The following ZNF397 variants were observed in gnomAD, a reference collection of about 807,000 sequenced individuals.
ZNF397 encodes the protein zinc finger and SCAN domain-containing protein 15.
In ZNF397, 38 loss-of-function variants were observed where a neutral mutation model predicts 50.6. The ratio of observed to expected loss-of-function variants is 0.75; its 90% CI spans 0.58 to 0.98. The LOEUF (loss-of-function observed/expected upper bound fraction) is 0.98. Ranked by LOEUF, ZNF397 falls within the 50% of genes least tolerant of loss-of-function variation. The pLI is 0.00. For missense variants in ZNF397, 624 were observed against 624.1 expected, an observed-to-expected ratio of 1.00 and a Z score of 0.00; for synonymous variants, 228 against 215.2, an observed-to-expected ratio of 1.06 and a Z score of -0.52.
At chr18:35,253,389 G>A, downstream of ZNF397, 1 of 1,420,294 alleles carries the variant, frequency 7.0e-7, no homozygotes, top group South Asian at 1.5e-5. Flanking sequence ...CTTTTCTGTG[G>A]AGTCTCACCC....
chr18:35,254,154 T>C (rs1278500956), downstream of ZNF397: 7 of 1,614,190 alleles, frequency 4.3e-6, no homozygotes, highest in East Asian at 6.7e-5. Context: ...CTGTTGAAGG[T>C]TGCCAGACTG....
downstream of ZNF397, chr18:35,253,992 T>C: frequency 6.2e-7 from 1 of 1,614,108 alleles, no homozygotes; most frequent in East Asian, 2.2e-5. Flanking sequence ...CTAATCAGCT[T>C]TGAGCTCTGG....
chr18:35,253,887 T>C (rs1460604679), downstream of ZNF397: 1 of 1,614,182 alleles, frequency 6.2e-7, no homozygotes, highest in Non-Finnish European at 8.5e-7. Flanking sequence ...CCACTATGAA[T>C]TCTCTGATGT....
chr18:35,245,520 C>G lies in ZNF397; in HGVS notation c.815C>G (p.Ser272Cys). The G allele has an allele frequency of 6.4e-7, 1 of 1,552,396 alleles. No homozygotes were observed. Among genetic ancestry groups the G allele is most frequent in the Non-Finnish European group, 8.7e-7 (1 of 1,147,158 alleles). ...AERCLILTTD[S>C]IMCQKVPPEE... ...AGATGCTTGATTCTAACTACAGACT[C>G]TATAATGTGTCAGAAAGTTCCTCCA... The change falls in exon 4 of 4, where the codon TCT (serine) becomes TGT (cysteine). Residue 272 changes from serine (S) to cysteine (C), a missense_variant. Physicochemically the swap from Ser to Cys is moderately radical, Grantham distance 112 (BLOSUM62 -1). Coordinates refer to ENST00000330501, the MANE Select transcript of ZNF397 (RefSeq NM_001135178.3).
chr18:35,244,969 T>C (rs1419658607), intron 3 of ZNF397, among the ~76,000 whole-genome samples: 2 of 152,128 alleles, frequency 1.3e-5, no homozygotes, highest in African/African-American at 4.8e-5. Flanking sequence ...CTTAAGCTTA[T>C]TTAAAAGCTG....
downstream of ZNF397, chr18:35,259,018 TAAGG>T (rs900070477): frequency 2.6e-5 from 4 of 152,178 alleles, no homozygotes; most frequent in African/African-American, 7.4e-5. Context: ...CATATGGACA[TAAGG>T]AAGAATTTTA....
At position 35,243,142 on chromosome 18, in the gene ZNF397, C is replaced by T. The variant is rs918066679; in HGVS notation, c.415-10C>T. The T allele has an allele frequency of 2.9e-5, 47 of 1,613,728 alleles. No individual in the cohort carries two copies. The highest frequency in any genetic ancestry group is 3.9e-5 in the Non-Finnish European group (46 of 1,179,924). On this transcript the variant is annotated splice_polypyrimidine_tract_variant and intron_variant, in intron 2 of 3. Coordinates refer to ENST00000330501, the MANE Select transcript of ZNF397 (RefSeq NM_001135178.3). ...TTCTCACAAAGCTAACCATATTTTA[C>T]TGATTTCAGGTCCCAGCTAGTCCAC...
Position 35,246,679 on chromosome 18 carries a change from A to T in ZNF397, c.*369A>T. ...GTGCCAGGTTATGGGGCTGGTGTGGACTGTGTGAGGCACTTCGTCTCAGGA... is the reference window on the plus strand; with the variant it reads ...GTGCCAGGTTATGGGGCTGGTGTGGTCTGTGTGAGGCACTTCGTCTCAGGA... On this transcript the variant is annotated 3_prime_UTR_variant, in exon 4 of 4. Coordinates refer to ENST00000330501, the MANE Select transcript of ZNF397 (RefSeq NM_001135178.3). 1 of 1,005,362 alleles carries T rather than the reference A, an allele frequency of 9.9e-7. No homozygotes were observed. Among genetic ancestry groups the T allele is most frequent in the Non-Finnish European group, 1.2e-6 (1 of 842,558 alleles). The allele number at this position is 1,005,362 out of a possible 1,614,324, so 62.3% of individuals were successfully genotyped here. A position where few individuals can be genotyped will look rare whatever the true frequency, so the allele number is the denominator to read the frequency against.
intron 1 of ZNF397, chr18:35,241,824 C>G (rs530907024): frequency 6.6e-6 from 1 of 152,274 alleles, no homozygotes; most frequent in South Asian, 2.1e-4. Flanking sequence ...CAAATGCGAT[C>G]AAATGACAAA....
Position 35,246,657 on chromosome 18 carries a change from C to T in ZNF397, c.*347C>T. On this transcript the variant is annotated 3_prime_UTR_variant, in exon 4 of 4. Coordinates refer to ENST00000330501, the MANE Select transcript of ZNF397 (RefSeq NM_001135178.3). ...GTCACTGCATCTGATTGTTAGTGTGCCAGGTTATGGGGCTGGTGTGGACTG... is the reference window on the plus strand; with the variant it reads ...GTCACTGCATCTGATTGTTAGTGTGTCAGGTTATGGGGCTGGTGTGGACTG... 9.6e-7 allele frequency: 1 copy of T among 1,040,114 alleles called. No individual in the cohort carries two copies. Among genetic ancestry groups the T allele is most frequent in the Non-Finnish European group, 1.2e-6 (1 of 864,418 alleles). 64.4% of individuals were successfully genotyped at this position (1,040,114 alleles called of 1,614,324 possible). A position where few individuals can be genotyped will look rare whatever the true frequency, so the allele number is the denominator to read the frequency against.
chr18:35,241,199 C>G (rs1480057489), intron 1 of ZNF397, 90 bp downstream of exon 1: 1 of 152,214 alleles, frequency 6.6e-6, no homozygotes, highest in Non-Finnish European at 1.5e-5. Context: ...CCTGCCCATC[C>G]CCAGGTCGCG....
chr18:35,250,317 T>C (rs556973420), downstream of ZNF397, among the ~76,000 whole-genome samples: 146 of 152,320 alleles, frequency 9.6e-4, no homozygotes, highest in Admixed American at 3.5e-3. Flanking sequence ...CATTCCACTT[T>C]TTATGAAATG....
At chr18:35,257,201 T>TAA (rs1265435736) in intron 5 of ZNF397, 6 of 152,284 alleles carry the variant, frequency 3.9e-5, no homozygotes, top group African/African-American at 1.4e-4. Flanking sequence ...TCCTTTTAAC[T>TAA]AGGGATGTGG....
rs1202926559 is a variant in ZNF397, at chr18:35,246,972, A to C, written c.*662A>C. The C allele has an allele frequency of 3.6e-6, 3 of 831,110 alleles. No homozygotes were observed. The highest frequency in any genetic ancestry group is 1.1e-4 in the South Asian group (2 of 18,192). 51.5% of individuals were successfully genotyped at this position (831,110 alleles called of 1,614,324 possible). A position where few individuals can be genotyped will look rare whatever the true frequency, so the allele number is the denominator to read the frequency against. On this transcript the variant is annotated 3_prime_UTR_variant, in exon 4 of 4. Transcript: ENST00000330501. ...CAGGCAGTGAAAGTGGAATGCTCCT[A>C]TGTGACCTTAAGGAGCACCTGACTC...
chr18:35,242,841 T>C lies in ZNF397; in HGVS notation c.371T>C (p.Leu124Pro). Residue 124 changes from leucine to proline, a missense_variant, in exon 2 of 4, where the codon CTG (leucine) becomes CCG (proline). Coordinates refer to ENST00000330501, the MANE Select transcript of ZNF397 (RefSeq NM_001135178.3). ...GAAAGCGGCGAGGAAGCTGTGACCC[T>C]GTTGGAGGATTTAGAGAGGGAGTTT... ...NPESGEEAVT[L>P]LEDLEREFDD... 1 of 1,613,588 alleles carries C rather than the reference T, an allele frequency of 6.2e-7. No individual in the cohort carries two copies. Among genetic ancestry groups the C allele is most frequent in the Non-Finnish European group, 8.5e-7 (1 of 1,179,696 alleles).
chr18:35,242,838 C>A lies in ZNF397; in HGVS notation c.368C>A (p.Thr123Asn). ...CCAGAAAGCGGCGAGGAAGCTGTGACCCTGTTGGAGGATTTAGAGAGGGAG... is the reference window on the plus strand; with the variant it reads ...CCAGAAAGCGGCGAGGAAGCTGTGAACCTGTTGGAGGATTTAGAGAGGGAG... ...HNPESGEEAV[T>N]LLEDLEREFD... The change falls in exon 2 of 4, where the codon ACC becomes AAC. Residue 123 changes from threonine (T) to asparagine (N), a missense_variant. Physicochemically the swap from Thr to Asn is moderately conservative, Grantham distance 65. Coordinates refer to ENST00000330501, the MANE Select transcript of ZNF397 (RefSeq NM_001135178.3). 1.9e-6 allele frequency: 3 copies of A among 1,613,726 alleles called. No individual in the cohort carries two copies. The highest frequency in any genetic ancestry group is 2.5e-6 in the Non-Finnish European group (3 of 1,179,824).
At position 35,246,513 on chromosome 18, in the gene ZNF397, A is replaced by G. The variant is rs1385205725; in HGVS notation, c.*203A>G. 1 of 1,328,246 alleles carries G rather than the reference A, an allele frequency of 7.5e-7. No individual in the cohort carries two copies. Among genetic ancestry groups the G allele is most frequent in the Non-Finnish European group, 9.6e-7 (1 of 1,042,680 alleles). The allele number at this position is 1,328,246 out of a possible 1,614,324, so 82.3% of individuals were successfully genotyped here. A position where few individuals can be genotyped will look rare whatever the true frequency, so the allele number is the denominator to read the frequency against. ...GTGACTAATCAGAACAGAATACAGAAGAATCATTACTTCCAGCTCTTCTCT... is the reference window on the plus strand; with the variant it reads ...GTGACTAATCAGAACAGAATACAGAGGAATCATTACTTCCAGCTCTTCTCT... On this transcript the variant is annotated 3_prime_UTR_variant, in exon 4 of 4. Coordinates refer to ENST00000330501, the MANE Select transcript of ZNF397 (RefSeq NM_001135178.3).
chr18:35,252,507 T>G (rs2043634916), downstream of ZNF397: 1 of 152,200 alleles, frequency 6.6e-6, no homozygotes, highest in South Asian at 2.1e-4. Flanking sequence ...TCAGATTCAT[T>G]TTTTTAAAAA....
chr18:35,258,015 C>T, exon 6 of ZNF397: 1 of 780,678 alleles, frequency 1.3e-6, no homozygotes. Flanking sequence ...TATCATGAGG[C>T]TAGTGAAGCA....
Sources: gnomAD v4.1 joint callset for allele counts (sites outside exome capture counted in the v4.1 genomes callset) on GRCh38, gnomAD v4.1.1 for gene constraint, MANE v1.5 for transcripts, NCBI Gene and HGNC (gene_info 2026-07-23, HGNC 2026-07-21) for gene names.